Variants in SGCD observed in about 807,000 individuals in gnomAD.
SGCD encodes the protein sarcoglycan delta, also known as delta-sarcoglycan.
Under a neutral mutation model 36.6 loss-of-function variants are expected in SGCD, and 18 were observed. The ratio of observed to expected loss-of-function variants is 0.49; its 90% CI spans 0.34 to 0.73. The LOEUF is 0.73. SGCD is among the 30% of genes least tolerant of loss of function. SGCD has a pLI of 0.01. For missense variants in SGCD, 387 were observed against 346.7 expected (o/e 1.12, Z -0.92); for synonymous variants, 133 against 130.6 (o/e 1.02, Z -0.12).
At chr5:156,471,042 C>G (rs1452300816) in intron 3 of SGCD, among the ~76,000 whole-genome samples, 1 of 152,114 alleles carries the variant, frequency 6.6e-6, no homozygotes, top group African/African-American at 2.4e-5. Context: ...AACTAGGCAG[C>G]ATTAGCTGGG....
intron 1 of SGCD, among the ~76,000 whole-genome samples, chr5:156,032,311 C>A (rs899704613): frequency 5.3e-5 from 8 of 152,050 alleles, no homozygotes; most frequent in Non-Finnish European, 1.0e-4. Flanking sequence ...TTGAGACTCA[C>A]CCTGTCTATG....
At chr5:156,674,518 C>A (rs1247331409) in intron 7 of SGCD, among the ~76,000 whole-genome samples, 1 of 152,182 alleles carries the variant, frequency 6.6e-6, no homozygotes, top group Admixed American at 6.5e-5. Flanking sequence ...GGTAAACGAT[C>A]TCCCATAGTC....
At position 156,638,327 on chromosome 5, in the gene SGCD, TTC is replaced by T. The variant is rs535107399; in HGVS notation, c.503-9132_503-9131del. 4.1e-3 allele frequency among the ~76,000 whole-genome samples: 618 copies of T among 151,936 alleles called. 1 individual carries two copies. Among genetic ancestry groups the T allele is most frequent in the African/African-American group, 0.014 (572 of 41,442 alleles). ...AACTTGATCACATTGTTCATATTTATTCTCTCCCTCTCCCTCTACACTACTGG... is the reference window on the plus strand; with the variant it reads ...AACTTGATCACATTGTTCATATTTATTCTCCCTCTCCCTCTACACTACTGG... On this transcript the variant is annotated intron_variant, in intron 6 of 8. Coordinates refer to ENST00000337851, the MANE Select transcript of SGCD (RefSeq NM_000337.6).
At chr5:156,229,277 C>CACACATATATATATATATATATAT (rs1554085595) in intron 3 of SGCD, among the ~76,000 whole-genome samples, 9 of 56,470 alleles carry the variant, frequency 1.6e-4, no homozygotes, top group East Asian at 1.2e-3. Context: ...TATATACATA[C>CACACATATATATATATATATATAT]ATATATATAT....
intron 7 of SGCD, among the ~76,000 whole-genome samples, chr5:156,725,982 C>T (rs1192813204): frequency 6.6e-6 from 1 of 152,150 alleles, no homozygotes; most frequent in Non-Finnish European, 1.5e-5. Flanking sequence ...TGTCACTTTC[C>T]AGTACTGGAT....
intron 3 of SGCD, among the ~76,000 whole-genome samples, chr5:156,400,618 G>C (rs996461625): frequency 6.6e-6 from 1 of 152,108 alleles, no homozygotes; most frequent in African/African-American, 2.4e-5. Context: ...TATATTGCCT[G>C]GAAAAGAACA....
intron 3 of SGCD, among the ~76,000 whole-genome samples, chr5:156,416,669 C>G (rs1561681380): frequency 6.6e-6 from 1 of 152,138 alleles, no homozygotes; most frequent in Non-Finnish European, 1.5e-5. Flanking sequence ...GCTGTGTCAC[C>G]TTGGACAAAC....
rs146590498 is a variant in SGCD at position 156,754,360 on chromosome 5, C to T, written c.576-3221C>T. ...TTGAACTCTATGTACCAAGTTTGAA[C>T]ACATTCCAAATATCCTAAATTTGAT... On this transcript the variant is annotated intron_variant, in intron 7 of 8. Transcript: ENST00000337851. Among the ~76,000 whole-genome samples, 1,026 of 152,316 alleles carry T rather than the reference C, an allele frequency of 6.7e-3. 5 individuals carry two copies. Among genetic ancestry groups the T allele is most frequent in the Non-Finnish European group, 0.012 (783 of 68,022 alleles).
the SGCD span, among the ~76,000 whole-genome samples, chr5:155,852,143 TA>T: frequency 6.6e-6 from 1 of 152,184 alleles, no homozygotes; most frequent in African/African-American, 2.4e-5. Context: ...AACATTGATA[TA>T]AAAAAAGTTT....
chr5:156,602,181 T>C (rs938247689), intron 6 of SGCD, among the ~76,000 whole-genome samples: 3 of 152,222 alleles, frequency 2.0e-5, no homozygotes, highest in Non-Finnish European at 4.4e-5. Context: ...TTAAGTTTAT[T>C]CATAGGTATC....
chr5:156,680,619 G>C (rs905561880), intron 7 of SGCD, among the ~76,000 whole-genome samples: 3 of 152,106 alleles, frequency 2.0e-5, no homozygotes, highest in Non-Finnish European at 4.4e-5. Flanking sequence ...ATGCAGAGAC[G>C]AACAAGCTAT....
chr5:155,762,748 G>A, the SGCD span, among the ~76,000 whole-genome samples: 1 of 152,102 alleles, frequency 6.6e-6, no homozygotes, highest in African/African-American at 2.4e-5. Context: ...CTCCAGTAGT[G>A]TCCTATTTCA....
At chr5:156,511,212 A>G (rs1191178452) in intron 4 of SGCD, among the ~76,000 whole-genome samples, 1 of 152,238 alleles carries the variant, frequency 6.6e-6, no homozygotes, top group East Asian at 1.9e-4. Context: ...TCTAACAACA[A>G]AAGAAGTATC....
At chr5:156,170,297 G>C (rs1452879989) in intron 3 of SGCD, among the ~76,000 whole-genome samples, 1 of 152,200 alleles carries the variant, frequency 6.6e-6, no homozygotes, top group Non-Finnish European at 1.5e-5. Context: ...ACCATTTTTA[G>C]TGTTGGGAGC....
chr5:155,794,235 C>T, the SGCD span, among the ~76,000 whole-genome samples: 3 of 151,962 alleles, frequency 2.0e-5, no homozygotes, highest in South Asian at 6.2e-4. Context: ...GAAAAAAAGG[C>T]AAATCTGACC....
intron 2 of SGCD, among the ~76,000 whole-genome samples, chr5:156,118,186 G>A (rs546582370): frequency 4.6e-5 from 7 of 152,214 alleles, no homozygotes; most frequent in Admixed American, 1.3e-4. Context: ...TAGATTTGAG[G>A]CTGTGTGGGA....
Position 156,046,393 on chromosome 5 carries a change from T to C in SGCD, c.-281-71485T>C, listed in dbSNP as rs1330924898. Reference sequence around the variant, plus strand: ...CCTAGTTTTATTGTGCTTTGCTTTATTCTGCTTCACAGATACTGTGTTTTT... The same window carrying C: ...CCTAGTTTTATTGTGCTTTGCTTTACTCTGCTTCACAGATACTGTGTTTTT... On this transcript the variant is annotated intron_variant, in intron 1 of 9. Coordinates refer to the SGCD transcript ENST00000517913. Among the ~76,000 whole-genome samples the C allele has an allele frequency of 2.0e-5, 3 of 152,172 alleles. No individual in the cohort carries two copies. The East Asian group carries it at 5.8e-4, about 29-fold the overall frequency.
At chr5:155,767,155 T>C in the SGCD span, among the ~76,000 whole-genome samples, 2 of 152,204 alleles carry the variant, frequency 1.3e-5, no homozygotes, top group East Asian at 1.9e-4. Flanking sequence ...TCGCAGATGC[T>C]TCAGTACCTA....
chr5:156,677,434 C>G (rs1056410453), intron 7 of SGCD, among the ~76,000 whole-genome samples: 4 of 151,806 alleles, frequency 2.6e-5, no homozygotes, highest in African/African-American at 9.7e-5. Context: ...CAAACTATCG[C>G]AAGGACAGAA....
Sources: allele counts gnomAD v4.1 joint callset (sites outside exome capture counted in the v4.1 genomes callset), GRCh38; gene constraint gnomAD v4.1.1; transcripts MANE v1.5; gene names NCBI Gene and HGNC (gene_info 2026-07-23, HGNC 2026-07-21).